Variants in UBE3C observed in about 807,000 individuals in gnomAD.
UBE3C encodes ubiquitin-protein ligase E3C.
Under a neutral mutation model 129.4 loss-of-function variants are expected in UBE3C, and 42 were observed. That is an observed-to-expected ratio of 0.32 (90% CI 0.25 to 0.42). The LOEUF (loss-of-function observed/expected upper bound fraction) is 0.42. Ranked by LOEUF, UBE3C falls within the 10% of genes least tolerant of loss-of-function variation. The probability of loss-of-function intolerance (pLI) is 1.00; values close to 1 mark genes in which losing one functional copy is unlikely to be tolerated. For missense variants in UBE3C, 1,049 were observed against 1,319.1 expected (o/e 0.80, Z 3.17); for synonymous variants, 510 against 492.4 (o/e 1.04, Z -0.47).
At chr7:157,230,757 A>G (rs1314544304) in intron 17 of UBE3C, among the ~76,000 whole-genome samples, 2 of 150,692 alleles carry the variant, frequency 1.3e-5, no homozygotes, top group South Asian at 2.1e-4. Context: ...ATTGGGCCGC[A>G]TTCAAAGCCA....
chr7:157,244,345 A>G (rs2116670713), intron 18 of UBE3C, among the ~76,000 whole-genome samples: 1 of 152,366 alleles, frequency 6.6e-6, no homozygotes, highest in Non-Finnish European at 1.5e-5. Context: ...TTTCAATTCC[A>G]ACTTACTAAT....
At chr7:157,189,313 T>C (rs775847203) in intron 10 of UBE3C, 152 of 203,892 alleles carry the variant, frequency 7.5e-4, no homozygotes, top group Non-Finnish European at 1.3e-3. Context: ...TGAGAGGAAA[T>C]TTTAGATATA....
chr7:157,150,912 GGCCTGTTCAC>G (rs1807739669), intron 1 of UBE3C, among the ~76,000 whole-genome samples: 1 of 152,216 alleles, frequency 6.6e-6, no homozygotes, highest in Non-Finnish European at 1.5e-5. Context: ...CTTCTGCGCT[GGCCTGTTCAC>G]AAGCCTGGAA....
At chr7:157,252,601 C>CTATAACCATCAGCTGTAGGATGACT (rs1453456362) in intron 19 of UBE3C, among the ~76,000 whole-genome samples, 1 of 152,210 alleles carries the variant, frequency 6.6e-6, no homozygotes, top group African/African-American at 2.4e-5. Context: ...AACGAGTCTC[C>CTATAACCATCAGCTGTAGGATGACT]TATAACCATC....
intron 14 of UBE3C, 110 bp downstream of exon 14, chr7:157,217,081 T>A: frequency 1.2e-6 from 1 of 814,792 alleles, no homozygotes; most frequent in Non-Finnish European, 1.9e-6. Flanking sequence ...ATGACTCATA[T>A]GACTAAATAG....
intron 1 of UBE3C, among the ~76,000 whole-genome samples, chr7:157,153,610 A>G (rs1178454719): frequency 2.0e-5 from 3 of 152,142 alleles, no homozygotes; most frequent in Admixed American, 2.0e-4. Context: ...CCAGAAAGTC[A>G]TAATTCTTGA....
intron 1 of UBE3C, among the ~76,000 whole-genome samples, chr7:157,151,563 A>G (rs1807757850): frequency 6.6e-6 from 1 of 152,132 alleles, no homozygotes; most frequent in African/African-American, 2.4e-5. Context: ...CTTCTCCCGT[A>G]TGCTGCTTGG....
intron 9 of UBE3C, 124 bp from the exon 10 acceptor site, chr7:157,186,710 T>C: frequency 9.1e-7 from 1 of 1,096,956 alleles, no homozygotes; most frequent in South Asian, 1.5e-5. Context: ...GTGATGTAGA[T>C]AATTTTGAGA....
chr7:157,164,073 A>G (rs1808147995), intron 2 of UBE3C, among the ~76,000 whole-genome samples: 1 of 152,140 alleles, frequency 6.6e-6, no homozygotes, highest in Non-Finnish European at 1.5e-5. Flanking sequence ...TGGAGAAGGA[A>G]CATGGGCTTT....
intron 17 of UBE3C, among the ~76,000 whole-genome samples, chr7:157,228,475 T>C (rs1795936746): frequency 1.3e-5 from 2 of 152,380 alleles, no homozygotes; most frequent in South Asian, 2.1e-4. Flanking sequence ...TGCACTCTGC[T>C]GTCATCAGTT....
At chr7:157,159,058 C>T (rs1453435318) in intron 1 of UBE3C, among the ~76,000 whole-genome samples, 1 of 152,210 alleles carries the variant, frequency 6.6e-6, no homozygotes, top group East Asian at 1.9e-4. Flanking sequence ...ACTTAATTCT[C>T]TAGCCTTGTG....
intron 18 of UBE3C, among the ~76,000 whole-genome samples, chr7:157,236,832 A>G (rs60648842): frequency 0.14 from 21,199 of 151,712 alleles, 1,892 homozygotes; most frequent in East Asian, 0.35. Flanking sequence ...CCCGGGTTCA[A>G]GCGATTCTCC....
At chr7:157,144,380 G>C (rs1177221473) in intron 1 of UBE3C, among the ~76,000 whole-genome samples, 4 of 152,174 alleles carry the variant, frequency 2.6e-5, no homozygotes, top group African/African-American at 9.7e-5. Context: ...GAAATTCGGT[G>C]TCTCGGAAAT....
At chr7:157,143,707 AT>A (rs1807522971) in intron 1 of UBE3C, among the ~76,000 whole-genome samples, 1 of 152,134 alleles carries the variant, frequency 6.6e-6, no homozygotes, top group Non-Finnish European at 1.5e-5. Context: ...GCTGGGGTAG[AT>A]TCTTCAAGAA....
intron 18 of UBE3C, among the ~76,000 whole-genome samples, chr7:157,234,673 G>A (rs1182439): frequency 0.52 from 78,525 of 152,010 alleles, 23,237 homozygotes; most frequent in Non-Finnish European, 0.66. Flanking sequence ...TTGAGAAAGG[G>A]CTCCAACCTG....
intron 6 of UBE3C, 63 bp downstream of exon 6, chr7:157,178,910 G>T (rs1458406106): frequency 1.9e-6 from 3 of 1,570,816 alleles, no homozygotes; most frequent in Admixed American, 3.4e-5. Context: ...GCAGAGGCCA[G>T]CCTGCTGCTG....
At chr7:157,241,962 A>G (rs1796341368) in intron 18 of UBE3C, among the ~76,000 whole-genome samples, 1 of 152,230 alleles carries the variant, frequency 6.6e-6, no homozygotes, top group Non-Finnish European at 1.5e-5. Flanking sequence ...AGGAAAATCT[A>G]GAGACAGAAG....
chr7:157,235,449 G>A (rs930361939), intron 18 of UBE3C, among the ~76,000 whole-genome samples: 2 of 152,148 alleles, frequency 1.3e-5, no homozygotes, highest in African/African-American at 2.4e-5. Flanking sequence ...AAATCATCCA[G>A]TCTTGATTAA....
At chr7:157,198,265 T>TGGTGTCC in intron 10 of UBE3C, 1 of 1,105,844 alleles carries the variant, frequency 9.0e-7, no homozygotes, top group Non-Finnish European at 1.4e-6. Flanking sequence ...GACATTGAGG[T>TGGTGTCC]GGTGTCCGTG....
Sources: allele counts gnomAD v4.1 joint callset (sites outside exome capture counted in the v4.1 genomes callset), GRCh38; gene constraint gnomAD v4.1.1; transcripts MANE v1.5; gene names NCBI Gene and HGNC (gene_info 2026-07-23, HGNC 2026-07-21).